ROBO2: variants seen among roughly 807,000 people sequenced by gnomAD.
The protein encoded by ROBO2 is roundabout guidance receptor 2.
In ROBO2, 53 loss-of-function variants were observed where a neutral mutation model predicts 160.8. The observed-to-expected ratio is 0.33, with a 90% confidence interval of 0.26 to 0.41. The LOEUF (loss-of-function observed/expected upper bound fraction) is 0.41, where lower values mean the gene tolerates loss of function less well. Ranked by LOEUF, ROBO2 falls within the 10% of genes least tolerant of loss-of-function variation. The pLI, the probability that ROBO2 is intolerant of heterozygous loss-of-function variation, is 1.00. For synonymous variants in ROBO2, 664 were observed against 611.7 expected, an observed-to-expected ratio of 1.09 and a Z score of -1.26; for missense variants, 1,577 against 1,722.4, an observed-to-expected ratio of 0.92 and a Z score of 1.49.
chr3:76,361,169 A>G (rs918155490), intron 2 of ROBO2, among the ~76,000 whole-genome samples: 2 of 152,066 alleles, frequency 1.3e-5, no homozygotes, highest in Admixed American at 1.3e-4. Context: ...AGAACAGTCT[A>G]AAGTGGGCCC....
intron 5 of ROBO2, among the ~76,000 whole-genome samples, chr3:77,494,773 T>C (rs956032317): frequency 6.7e-6 from 1 of 149,332 alleles, no homozygotes; most frequent in East Asian, 2.0e-4. Flanking sequence ...ATACTTTACT[T>C]CAAAAGGCAT....
chr3:76,101,918 A>G (rs1474738107), intron 2 of ROBO2, among the ~76,000 whole-genome samples: 3 of 140,652 alleles, frequency 2.1e-5, no homozygotes, highest in African/African-American at 8.2e-5. Flanking sequence ...TTCCCATTGT[A>G]CCCCAGGGTG....
At chr3:76,223,156 C>G (rs1466713371) in intron 2 of ROBO2, among the ~76,000 whole-genome samples, 1 of 151,806 alleles carries the variant, frequency 6.6e-6, no homozygotes, top group African/African-American at 2.4e-5. Context: ...TAATGGTACA[C>G]TTCCTCATGA....
In ROBO2 at chr3:76,642,818, T is replaced by C. The variant is rs545093780; in HGVS notation, c.110-455196T>C. On this transcript the variant is annotated intron_variant, in intron 2 of 26. Transcript: ENST00000487694. ...ACCAAATACGTAAAACCATGAAATA[T>C]TAAGTGAGCTCTTACAAAATAACTG... is the stretch of plus-strand genomic sequence containing the variant. 2.6e-5 allele frequency among the ~76,000 whole-genome samples: 4 copies of C among 152,304 alleles called. No individual in the cohort carries two copies. In the South Asian group the frequency reaches 6.2e-4, roughly 24 times the overall value.
chr3:76,875,613 C>G (rs10446373), intron 2 of ROBO2, among the ~76,000 whole-genome samples: 23,700 of 151,992 alleles, frequency 0.16, 2,105 homozygotes, highest in South Asian at 0.23. Context: ...CCACTTTACT[C>G]TGAACTCTAT....
chr3:77,474,804 A>G (rs941825429), intron 2 of ROBO2, among the ~76,000 whole-genome samples: 1 of 152,260 alleles, frequency 6.6e-6, no homozygotes, highest in East Asian at 1.9e-4. Context: ...TCTTGTTTTT[A>G]TCGGCTACGA....
chr3:77,192,591 C>T (rs1313921383), intron 2 of ROBO2, among the ~76,000 whole-genome samples: 1 of 151,036 alleles, frequency 6.6e-6, no homozygotes. Context: ...GGGCTCTAAA[C>T]TCAGTTATTT....
At chr3:76,328,368 G>T (rs929430745) in intron 2 of ROBO2, among the ~76,000 whole-genome samples, 2 of 152,162 alleles carry the variant, frequency 1.3e-5, no homozygotes, top group Non-Finnish European at 2.9e-5. Flanking sequence ...ACAATTCAAC[G>T]TTAGGTACTA....
At chr3:77,394,760 C>CT (rs138433094) in intron 2 of ROBO2, among the ~76,000 whole-genome samples, 24,115 of 151,874 alleles carry the variant, frequency 0.16, 4,707 homozygotes, top group African/African-American at 0.46. Context: ...GTCATCATAG[C>CT]TTTTTTAGCC....
intron 2 of ROBO2, among the ~76,000 whole-genome samples, chr3:76,692,291 G>T (rs1320487214): frequency 6.6e-6 from 1 of 152,058 alleles, no homozygotes; most frequent in African/African-American, 2.4e-5. Context: ...GAAGTCTCTG[G>T]TCCCTTTGCA....
chr3:76,830,334 G>A (rs911666639), intron 2 of ROBO2, among the ~76,000 whole-genome samples: 4 of 152,186 alleles, frequency 2.6e-5, no homozygotes, highest in Middle Eastern at 3.4e-3. Context: ...TGTTACCTCT[G>A]TTCTCTGGAT....
intron 2 of ROBO2, among the ~76,000 whole-genome samples, chr3:76,392,725 G>T (rs879386391): frequency 2.0e-5 from 3 of 152,084 alleles, no homozygotes; most frequent in Non-Finnish European, 4.4e-5. Flanking sequence ...AGATATGTTA[G>T]AAATATCAGA....
intron 2 of ROBO2, among the ~76,000 whole-genome samples, chr3:76,740,258 G>A (rs532741535): frequency 1.6e-4 from 24 of 152,158 alleles, no homozygotes; most frequent in Non-Finnish European, 3.2e-4. Context: ...GTAACTCAGT[G>A]TGTTGATGAG....
Position 76,320,454 on chromosome 3 carries a change from C to T in ROBO2, c.109+382852C>T, listed in dbSNP as rs544695512. Among the ~76,000 whole-genome samples the T allele has an allele frequency of 2.2e-4, 34 of 152,262 alleles. No individual in the cohort carries two copies. The South Asian group carries it at 6.0e-3, about 27-fold the overall frequency. ...GAGTTCACCACATCAGCTATTAGGA[C>T]AGACCCTACATATGCTCTGTAGAAT... On this transcript the variant is annotated intron_variant, in intron 2 of 26. Coordinates refer to the ROBO2 transcript ENST00000487694.
rs1182358917 is a variant in ROBO2 at position 77,454,943 on chromosome 3, T to G, written c.389-22471T>G. 3.3e-5 allele frequency among the ~76,000 whole-genome samples: 5 copies of G among 152,192 alleles called. No individual in the cohort carries two copies. In the East Asian group the frequency reaches 9.6e-4, roughly 29 times the overall value. On this transcript the variant is annotated intron_variant, in intron 2 of 25. Coordinates refer to ENST00000461745, the Ensembl canonical transcript of ROBO2. ...TCCTACAGCCAGGCTGAGACTGTAA[T>G]TTAGTCTACCATCTCCTGGGTGTAT...
chr3:77,160,734 C>G (rs537589202), intron 2 of ROBO2, among the ~76,000 whole-genome samples: 41 of 152,082 alleles, frequency 2.7e-4, no homozygotes, highest in African/African-American at 9.9e-4. Flanking sequence ...GTTTTAGTAC[C>G]GCTACTTTAA....
chr3:75,979,061 T>C (rs558884379), intron 2 of ROBO2, among the ~76,000 whole-genome samples: 4 of 151,638 alleles, frequency 2.6e-5, no homozygotes, highest in South Asian at 2.1e-4. Context: ...TGAAAACCGA[T>C]GCATATGTAA....
intron 2 of ROBO2, among the ~76,000 whole-genome samples, chr3:76,746,175 A>G (rs2093888163): frequency 6.6e-6 from 1 of 151,988 alleles, no homozygotes; most frequent in Non-Finnish European, 1.5e-5. Context: ...ATCCTTTTTT[A>G]TGGCTGCATA....
At chr3:76,875,221 C>T (rs2072573801) in intron 2 of ROBO2, among the ~76,000 whole-genome samples, 1 of 152,178 alleles carries the variant, frequency 6.6e-6, no homozygotes, top group African/African-American at 2.4e-5. Context: ...GTCTTGGAGA[C>T]AGCAACACTC....
Sources: allele counts gnomAD v4.1 joint callset (sites outside exome capture counted in the v4.1 genomes callset), GRCh38; gene constraint gnomAD v4.1.1; transcripts MANE v1.5; gene names NCBI Gene and HGNC (gene_info 2026-07-23, HGNC 2026-07-21).